Variants in GLIS1 observed in about 807,000 individuals in gnomAD.
GLIS1 encodes the protein zinc finger protein GLIS1.
A neutral mutation model predicts 63.8 loss-of-function variants in GLIS1; 24 were observed. The ratio of observed to expected loss-of-function variants is 0.38; its 90% CI spans 0.27 to 0.53. The LOEUF is 0.53. Among genes scored for constraint, GLIS1 ranks in the 20% least tolerant of loss-of-function variants. GLIS1 has a pLI of 0.85. For missense variants in GLIS1, 1,036 were observed against 1,074.1 expected (o/e 0.96, Z 0.50); for synonymous variants, 450 against 482.5 (o/e 0.93, Z 0.88).
intron 2 of GLIS1, among the ~76,000 whole-genome samples, chr1:53,620,253 G>A (rs1645528588): frequency 6.6e-6 from 1 of 152,162 alleles, no homozygotes; most frequent in African/African-American, 2.4e-5. Context: ...CACTGGTTAG[G>A]GCTGACCTGT....
At chr1:53,609,558 C>T (rs543157685) in intron 2 of GLIS1, among the ~76,000 whole-genome samples, 3 of 152,270 alleles carry the variant, frequency 2.0e-5, no homozygotes, top group South Asian at 2.1e-4. Context: ...CGTGAGCCAC[C>T]GCACCCAGCC....
intron 2 of GLIS1, among the ~76,000 whole-genome samples, chr1:53,706,312 G>A (rs540932733): frequency 4.6e-5 from 7 of 152,302 alleles, no homozygotes; most frequent in African/African-American, 2.4e-5. Context: ...TTAGGCTGAC[G>A]GGCTGGTCTC....
At position 53,560,798 on chromosome 1, in the gene GLIS1, G is replaced by T. The variant is rs1287041323; in HGVS notation, c.1321-30846C>A. Reference sequence around the variant, plus strand: ...CCACGACAGTGGCGATGAGTCCTTGGACTCCACCCATACCTCAGTACCCCA... The same window carrying T: ...CCACGACAGTGGCGATGAGTCCTTGTACTCCACCCATACCTCAGTACCCCA... On this transcript the variant is annotated intron_variant, in intron 4 of 10. Coordinates refer to ENST00000628545, the MANE Select transcript of GLIS1 (RefSeq NM_001367484.1). The surrounding 1 kb of genome is among the most constrained non-coding windows in gnomAD (Gnocchi z 4.4). Among the ~76,000 whole-genome samples the T allele has an allele frequency of 6.6e-6, 1 of 152,156 alleles. No individual in the cohort carries two copies. The highest frequency in any genetic ancestry group is 1.5e-5 in the Non-Finnish European group (1 of 68,026).
intron 2 of GLIS1, among the ~76,000 whole-genome samples, chr1:53,629,857 G>A (rs571947372): frequency 6.6e-6 from 1 of 152,168 alleles, no homozygotes; most frequent in Non-Finnish European, 1.5e-5. Flanking sequence ...ACACATGCAG[G>A]CCTTGAGAAG....
At chr1:53,657,669 C>A (rs1645981960) in intron 2 of GLIS1, among the ~76,000 whole-genome samples, 1 of 152,154 alleles carries the variant, frequency 6.6e-6, no homozygotes, top group Non-Finnish European at 1.5e-5. Context: ...CACCCATGCA[C>A]CATCCTAAGA....
At position 53,594,395 on chromosome 1, in the gene GLIS1, G is replaced by A. The variant is rs1452560430; in HGVS notation, c.1033C>T (p.Leu345=). The A allele has an allele frequency of 1.2e-6, 2 of 1,611,636 alleles. No individual in the cohort carries two copies. Among genetic ancestry groups the A allele is most frequent in the Non-Finnish European group, 1.7e-6 (2 of 1,179,194 alleles). The change falls in exon 4 of 11, where the codon CTG becomes TTG. Residue 345 remains leucine, a synonymous_variant. Transcript: ENST00000628545. ...CTTGGGCCAGGCGGCAACTGAGACA[G>A]GGGATAGGGGGGCGGCAGGCCCTGC... ...HQQGLPPPYP[L]SQLPPGPSLG...
intron 2 of GLIS1, among the ~76,000 whole-genome samples, chr1:53,622,427 C>CAAAAAAAAAAAAAAAAA (rs60923620): frequency 5.3e-5 from 7 of 132,340 alleles, no homozygotes; most frequent in South Asian, 2.6e-4. Flanking sequence ...GACTATGTCT[C>CAAAAAAAAAAAAAAAAA]AAAAAAAAAA....
chr1:53,677,396 C>T (rs1042817029), intron 2 of GLIS1, among the ~76,000 whole-genome samples: 3 of 152,096 alleles, frequency 2.0e-5, no homozygotes, highest in Non-Finnish European at 4.4e-5. Flanking sequence ...GGCAGGAATT[C>T]GAGTCTGCCA....
chr1:53,637,708 A>G (rs1426185700), intron 2 of GLIS1, among the ~76,000 whole-genome samples: 1 of 152,058 alleles, frequency 6.6e-6, no homozygotes, highest in African/African-American at 2.4e-5. Flanking sequence ...TCCAACATAC[A>G]AGGGTCCTGC....
At chr1:53,666,106 A>T (rs1239450426) in intron 2 of GLIS1, among the ~76,000 whole-genome samples, 4 of 152,220 alleles carry the variant, frequency 2.6e-5, no homozygotes, top group Non-Finnish European at 5.9e-5. Context: ...GGAAGTGGTG[A>T]AGCCAGGCTT....
At chr1:53,733,838 G>T in intron 2 of GLIS1, 1 of 837,238 alleles carries the variant, frequency 1.2e-6, no homozygotes, top group Non-Finnish European at 1.4e-6. Flanking sequence ...ACTTTAAAAT[G>T]GATGAAATGC....
At chr1:53,508,342 C>CTG (rs1306744647) in intron 10 of GLIS1, among the ~76,000 whole-genome samples, 1 of 152,180 alleles carries the variant, frequency 6.6e-6, no homozygotes, top group East Asian at 1.9e-4. Flanking sequence ...GTGCTTGTCC[C>CTG]TATATACCTG....
intron 2 of GLIS1, among the ~76,000 whole-genome samples, chr1:53,730,691 TCGGA>T (rs1646850988): frequency 6.6e-6 from 1 of 151,940 alleles, no homozygotes; most frequent in South Asian, 2.1e-4. Flanking sequence ...CAAAAACACC[TCGGA>T]CCAGAACGGC....
chr1:53,525,030 CT>C (rs1459951912), intron 5 of GLIS1, 143 bp from the exon 6 acceptor site: 1 of 647,952 alleles, frequency 1.5e-6, no homozygotes, highest in African/African-American at 1.8e-5. Flanking sequence ...CCCGGCCCAG[CT>C]GTGGGGAAGG....
intron 7 of GLIS1, among the ~76,000 whole-genome samples, chr1:53,518,382 T>C (rs1386739176): frequency 6.6e-6 from 1 of 152,182 alleles, no homozygotes; most frequent in Non-Finnish European, 1.5e-5. Flanking sequence ...GTGAGGATGA[T>C]GGCAGTGATG....
chr1:53,546,268 C>T (rs373311729), intron 4 of GLIS1, among the ~76,000 whole-genome samples: 7 of 152,364 alleles, frequency 4.6e-5, no homozygotes, highest in East Asian at 3.9e-4. Context: ...GGCAAGCCCA[C>T]GCCACAAACC....
chr1:53,591,745 C>T (rs1021963685), intron 4 of GLIS1, among the ~76,000 whole-genome samples: 2 of 152,202 alleles, frequency 1.3e-5, no homozygotes, highest in African/African-American at 2.4e-5. Flanking sequence ...AAGCTGCTTG[C>T]TGGTATTATC....
chr1:53,663,323 C>T (rs113706888), intron 2 of GLIS1, among the ~76,000 whole-genome samples: 8 of 152,350 alleles, frequency 5.3e-5, no homozygotes, highest in African/African-American at 1.9e-4. Flanking sequence ...TCTGATTACA[C>T]GGAAGTGAAC....
intron 2 of GLIS1, among the ~76,000 whole-genome samples, chr1:53,618,116 AG>A (rs1471401542): frequency 6.6e-6 from 1 of 152,226 alleles, no homozygotes; most frequent in African/African-American, 2.4e-5. Flanking sequence ...GGCCTGGGGA[AG>A]GGACCTCGGC....
Sources: gnomAD v4.1 joint callset for allele counts (sites outside exome capture counted in the v4.1 genomes callset) on GRCh38, gnomAD v4.1.1 for gene constraint, Gnocchi (gnomAD v3.1) non-coding constraint, MANE v1.5 for transcripts, NCBI Gene and HGNC (gene_info 2026-07-23, HGNC 2026-07-21) for gene names.